SPOCK1: variants seen among roughly 807,000 people sequenced by gnomAD.
SPOCK1 encodes the protein SPARC (osteonectin), cwcv and kazal like domains proteoglycan 1, also known as testican-1.
Under a neutral mutation model 55.3 loss-of-function variants are expected in SPOCK1, and 23 were observed. The ratio of observed to expected loss-of-function variants is 0.42; its 90% CI spans 0.30 to 0.59. SPOCK1 has a LOEUF of 0.59. SPOCK1 is among the 20% of genes least tolerant of loss of function. The pLI, the probability that SPOCK1 is intolerant of heterozygous loss-of-function variation, is 0.22. For missense variants in SPOCK1, 499 were observed against 552.5 expected (o/e 0.90, Z 0.97); for synonymous variants, 226 against 221.0 (o/e 1.02, Z -0.20).
chr5:136,979,868 C>G (rs1750696132), intron 9 of SPOCK1, among the ~76,000 whole-genome samples: 1 of 152,166 alleles, frequency 6.6e-6, no homozygotes, highest in Non-Finnish European at 1.5e-5. Flanking sequence ...AAGTAATCTT[C>G]CCAAGGCATC....
intron 6 of SPOCK1, among the ~76,000 whole-genome samples, chr5:137,064,462 C>T (rs79684988): frequency 0.013 from 1,950 of 152,226 alleles, 38 homozygotes; most frequent in African/African-American, 0.044. Context: ...GCAATAGGCA[C>T]AGAAATAAGA....
intron 3 of SPOCK1, among the ~76,000 whole-genome samples, chr5:137,239,463 G>A (rs1580823451): frequency 6.6e-6 from 1 of 152,280 alleles, no homozygotes; most frequent in African/African-American, 2.4e-5. Context: ...TTGAACATGA[G>A]ACGGGAGGTG....
intron 2 of SPOCK1, among the ~76,000 whole-genome samples, chr5:137,329,112 G>A (rs1580869379): frequency 2.0e-5 from 3 of 152,122 alleles, no homozygotes; most frequent in Admixed American, 6.6e-5. Flanking sequence ...CTCCAATGTG[G>A]GTGGGCTGCA....
At chr5:137,376,147 T>A (rs1751309677) in intron 2 of SPOCK1, among the ~76,000 whole-genome samples, 1 of 152,226 alleles carries the variant, frequency 6.6e-6, no homozygotes, top group Non-Finnish European at 1.5e-5. Flanking sequence ...TGCTTGCCTC[T>A]AATTATTTCC....
chr5:137,430,890 T>C (rs1192770819), intron 2 of SPOCK1, among the ~76,000 whole-genome samples: 1 of 152,228 alleles, frequency 6.6e-6, no homozygotes, highest in African/African-American at 2.4e-5. Flanking sequence ...TTCTTTACAC[T>C]GAGGGGTCAT....
chr5:137,446,846 C>T (rs567683742), intron 2 of SPOCK1, among the ~76,000 whole-genome samples: 3 of 152,330 alleles, frequency 2.0e-5, no homozygotes, highest in African/African-American at 7.2e-5. Flanking sequence ...GACCATCCTA[C>T]TTTCTGTTTC....
intron 2 of SPOCK1, among the ~76,000 whole-genome samples, chr5:137,328,202 C>T (rs1468948838): frequency 1.3e-5 from 2 of 152,204 alleles, no homozygotes; most frequent in African/African-American, 4.8e-5. Flanking sequence ...GTACATCTCA[C>T]CCAGATAGAT....
At chr5:136,983,255 C>T (rs1307257700) in intron 9 of SPOCK1, among the ~76,000 whole-genome samples, 1 of 152,086 alleles carries the variant, frequency 6.6e-6, no homozygotes, top group Non-Finnish European at 1.5e-5. Flanking sequence ...ATGGGAGGGA[C>T]AGATTTCTCC....
chr5:136,992,606 G>GA lies in SPOCK1; in HGVS notation c.590-7dup. ...CAACTCCTTGTCTGTGCAGGCTAGAGAAAAGCAAACAGAACAGACAATGGG... is the reference window on the plus strand; with the variant it reads ...CAACTCCTTGTCTGTGCAGGCTAGAGAAAAAGCAAACAGAACAGACAATGGG... On this transcript the variant is annotated splice_region_variant and splice_polypyrimidine_tract_variant and intron_variant, in intron 6 of 10. Transcript: ENST00000394945. The GA allele has an allele frequency of 6.2e-7, 1 of 1,609,210 alleles. No homozygotes were observed. Among genetic ancestry groups the GA allele is most frequent in the Non-Finnish European group, 8.5e-7 (1 of 1,177,584 alleles).
At chr5:137,416,627 T>C (rs904699755) in intron 2 of SPOCK1, among the ~76,000 whole-genome samples, 1 of 152,078 alleles carries the variant, frequency 6.6e-6, no homozygotes, top group Non-Finnish European at 1.5e-5. Context: ...AGGATGTAAC[T>C]GTAACTGTAA....
Position 137,294,398 on chromosome 5 carries a change from G to A in SPOCK1, c.187-27343C>T, listed in dbSNP as rs73291397. ...TACGTTTTATAGGTGAAGAGACTGA[G>A]ATCCAAGAAGCTAAGTGATCTGCCC... On this transcript the variant is annotated intron_variant, in intron 2 of 10. Transcript: ENST00000394945. Among the ~76,000 whole-genome samples the A allele has an allele frequency of 8.5e-3, 1,300 of 152,278 alleles. 36 individuals carry two copies. The highest frequency in any genetic ancestry group is 0.03 in the African/African-American group (1,230 of 41,544).
intron 4 of SPOCK1, among the ~76,000 whole-genome samples, chr5:137,114,735 T>C (rs756828225): frequency 3.3e-5 from 5 of 152,232 alleles, no homozygotes; most frequent in African/African-American, 1.2e-4. Context: ...ACACAGCAGA[T>C]TGTCTGACAC....
In SPOCK1 at chr5:137,423,589, G is replaced by A. The variant is rs192473116; in HGVS notation, c.186+74784C>T. Among the ~76,000 whole-genome samples, 135 of 152,302 alleles carry A rather than the reference G, an allele frequency of 8.9e-4. 1 individual carries two copies. The highest frequency in any genetic ancestry group is 3.0e-3 in the African/African-American group (123 of 41,570). ...GCAATGGACCCTCTGAGCCAGGCGC[G>A]GGATATAATCTCCTGGGGTGCCGTT... On this transcript the variant is annotated intron_variant, in intron 2 of 10. Coordinates refer to ENST00000394945, the MANE Select transcript of SPOCK1 (RefSeq NM_004598.4).
At chr5:137,006,222 T>C (rs983688859) in intron 6 of SPOCK1, among the ~76,000 whole-genome samples, 2 of 152,178 alleles carry the variant, frequency 1.3e-5, no homozygotes, top group Non-Finnish European at 2.9e-5. Context: ...TTTAAAGTAG[T>C]TTTTTCTAAT....
chr5:137,166,210 T>A (rs1466560577), intron 3 of SPOCK1, among the ~76,000 whole-genome samples: 1 of 152,148 alleles, frequency 6.6e-6, no homozygotes, highest in African/African-American at 2.4e-5. Flanking sequence ...TTCCAATGTG[T>A]CTGGCAGCAA....
chr5:137,498,266 CCACACACACACACACACA>C (rs544933594), intron 2 of SPOCK1, 89 bp downstream of exon 2: 7 of 796,384 alleles, frequency 8.8e-6, no homozygotes, highest in East Asian at 7.0e-5. Context: ...CCCCTCCCAA[CCACACACACACACACACA>C]CACACACACA....
At chr5:137,024,624 A>T (rs957688165) in intron 6 of SPOCK1, among the ~76,000 whole-genome samples, 3 of 151,568 alleles carry the variant, frequency 2.0e-5, no homozygotes, top group Non-Finnish European at 4.4e-5. Context: ...AAAAAAAAAA[A>T]GTAGAAGAAC....
chr5:137,218,514 G>A (rs1252339557), intron 3 of SPOCK1, among the ~76,000 whole-genome samples: 1 of 152,202 alleles, frequency 6.6e-6, no homozygotes, highest in African/African-American at 2.4e-5. Flanking sequence ...TCCTTTCAAG[G>A]TAACAAATAT....
intron 2 of SPOCK1, among the ~76,000 whole-genome samples, chr5:137,495,208 A>G (rs1186674521): frequency 6.6e-6 from 1 of 152,222 alleles, no homozygotes; most frequent in Non-Finnish European, 1.5e-5. Context: ...TTACTTCTAA[A>G]AAGAAGGGGA....
Sources: allele counts gnomAD v4.1 joint callset (sites outside exome capture counted in the v4.1 genomes callset), GRCh38; gene constraint gnomAD v4.1.1; transcripts MANE v1.5; gene names NCBI Gene and HGNC (gene_info 2026-07-23, HGNC 2026-07-21).